ZNF724: variants seen among roughly 807,000 people sequenced by gnomAD.
ZNF724 encodes zinc finger protein 724 pseudogene.
A neutral mutation model predicts 29.3 loss-of-function variants in ZNF724; 14 were observed. The observed-to-expected ratio is 0.48, with a 90% CI of 0.32 to 0.75. The LOEUF (loss-of-function observed/expected upper bound fraction) is 0.75, where lower values mean the gene tolerates loss of function less well. Among genes scored for constraint, ZNF724 ranks in the 30% least tolerant of loss-of-function variants. ZNF724 has a pLI of 0.04. For missense variants in ZNF724, 557 were observed against 571.2 expected (o/e 0.98, Z 0.25); for synonymous variants, 180 against 193.6 (o/e 0.93, Z 0.58).
chr19:23,248,613 A>G (rs1972286855), intron 1 of ZNF724, among the ~76,000 whole-genome samples: 1 of 151,116 alleles, frequency 6.6e-6, no homozygotes, highest in Admixed American at 6.6e-5. Flanking sequence ...ACTACATTAG[A>G]GGAAACAAAA....
At chr19:23,229,150 G>A (rs3895842) in intron 3 of ZNF724, among the ~76,000 whole-genome samples, 71,865 of 151,820 alleles carry the variant, frequency 0.47, 19,068 homozygotes, top group East Asian at 0.68. Context: ...CAAGACTGAG[G>A]AGCATCCTTT....
intron 1 of ZNF724, among the ~76,000 whole-genome samples, chr19:23,243,475 CAAAAAAAAAAA>C (rs61241201): frequency 9.6e-5 from 3 of 31,216 alleles, no homozygotes; most frequent in African/African-American, 1.5e-4. Flanking sequence ...GAGTCCATCT[CAAAAAAAAAAA>C]AAAAAAAAAA....
chr19:23,232,869 CAA>C (rs1971961605), intron 1 of ZNF724, among the ~76,000 whole-genome samples: 1 of 151,962 alleles, frequency 6.6e-6, no homozygotes, highest in Non-Finnish European at 1.5e-5. Flanking sequence ...CTTCATTTTC[CAA>C]AAACAGATAT....
chr19:23,249,247 T>TC (rs1175236258), intron 1 of ZNF724, among the ~76,000 whole-genome samples: 1 of 150,744 alleles, frequency 6.6e-6, no homozygotes, highest in Non-Finnish European at 1.5e-5. Context: ...CTGCCTTTTT[T>TC]TTTTTTTTTT....
At chr19:23,247,337 CTATTT>C (rs1441360029) in intron 1 of ZNF724, among the ~76,000 whole-genome samples, 2 of 151,444 alleles carry the variant, frequency 1.3e-5, no homozygotes, top group Non-Finnish European at 2.9e-5. Flanking sequence ...TGAAACCTGT[CTATTT>C]TATGTTTTTG....
Position 23,232,292 on chromosome 19 carries a change from C to T in ZNF724, c.5G>A (p.Gly2Glu), listed in dbSNP as rs1971950709. ...GGCCACATCCATAAATGTCAATGGT[C>T]CCTGAAAAGTACACACACACATATT... M[G>E]PLTFMDVAIE... The change falls in exon 2 of 4, where the codon GGA (glycine) becomes GAA (glutamate). Residue 2 changes from glycine to glutamate, a missense_variant and splice_region_variant. Physicochemically the swap from Gly to Glu is moderately conservative, Grantham distance 98. Transcript: ENST00000418100. 6 of 1,226,646 alleles carry T rather than the reference C, an allele frequency of 4.9e-6. No homozygotes were observed. The highest frequency in any genetic ancestry group is 7.2e-6 in the Non-Finnish European group (6 of 830,128). 76.0% of individuals were successfully genotyped at this position (1,226,646 alleles called of 1,614,324 possible). A position where few individuals can be genotyped will look rare whatever the true frequency, so the allele number is the denominator to read the frequency against.
In ZNF724 at chr19:23,222,743, G is replaced by T. The variant is rs1971741297; in HGVS notation, c.1502C>A (p.Thr501Asn). ...TTTACATTTGTAGGGTTTCTCTCCA[G>T]TATGAATTTTCTTATGTGTTGTAAG... ...SHLTTHKKIH[T>N]GEKPYKCKEC... Residue 501 changes from threonine to asparagine, a missense_variant, in exon 4 of 4, where the codon ACT becomes AAT. Physicochemically the swap from Thr to Asn is moderately conservative, Grantham distance 65. This residue lies in a region of ZNF724 where 170 missense variants were observed against 220.7 expected (regional missense o/e 0.77). Coordinates refer to ENST00000418100, the MANE Select transcript of ZNF724 (RefSeq NM_001355404.2). 7.1e-7 allele frequency: 1 copy of T among 1,404,126 alleles called. No homozygotes were observed. Among genetic ancestry groups the T allele is most frequent in the Non-Finnish European group, 1.0e-6 (1 of 997,744 alleles). 87.0% of individuals were successfully genotyped at this position (1,404,126 alleles called of 1,614,324 possible).
chr19:23,222,319 C>T lies in ZNF724; in HGVS notation c.*66G>A. On this transcript the variant is annotated 3_prime_UTR_variant, in exon 4 of 4. Coordinates refer to ENST00000418100, the MANE Select transcript of ZNF724 (RefSeq NM_001355404.2). ...GTCTCAATCTCTTGATCTTGTGATC[C>T]ACCCGCCTTGGCCTCCCAAAGTGCT... 1.5e-6 allele frequency: 1 copy of T among 682,698 alleles called. No homozygotes were observed. The highest frequency in any genetic ancestry group is 1.9e-5 in the South Asian group (1 of 53,306). The allele number at this position is 682,698 out of a possible 1,614,324, so 42.3% of individuals were successfully genotyped here. A position where few individuals can be genotyped will look rare whatever the true frequency, so the allele number is the denominator to read the frequency against.
At chr19:23,224,636 T>TC (rs753947109) in intron 3 of ZNF724, among the ~76,000 whole-genome samples, 20 of 152,014 alleles carry the variant, frequency 1.3e-4, no homozygotes, top group African/African-American at 4.6e-4. Flanking sequence ...CTCATCCCTC[T>TC]CCCCAATATA....
At position 23,223,334 on chromosome 19, in the gene ZNF724, T is replaced by A. The variant is rs776049808; in HGVS notation, c.911A>T (p.His304Leu). The part of the protein sequence containing the change: ...SSTLTRHKII[H>L]AGEKPYICEH... ...ACATATGTAGGGCTTCTCTCCAGCA[T>A]GAATTATCTTATGTCTAGTAAGGGT... The change falls in exon 4 of 4, where the codon CAT (histidine) becomes CTT (leucine). Residue 304 changes from histidine to leucine, a missense_variant. By Grantham distance (99) the His-to-Leu change is moderately conservative (BLOSUM62 -3). Around this residue, in one of 3 missense-constraint regions of ZNF724, gnomAD observed 362 missense variants for 295.5 expected, o/e 1.22. Transcript: ENST00000418100. 1.3e-6 allele frequency: 1 copy of A among 768,854 alleles called. No individual in the cohort carries two copies. The highest frequency in any genetic ancestry group is 1.7e-5 in the African/African-American group (1 of 58,696). 47.6% of individuals were successfully genotyped at this position (768,854 alleles called of 1,614,324 possible).
chr19:23,240,211 G>A (rs1478278050), intron 1 of ZNF724, among the ~76,000 whole-genome samples: 1 of 151,652 alleles, frequency 6.6e-6, no homozygotes, highest in African/African-American at 2.4e-5. Flanking sequence ...ACCTACCTGG[G>A]AGGCTGAGGC....
Position 23,222,437 on chromosome 19 carries a change from G to A in ZNF724, c.1808C>T (p.Ser603Leu). ...AATTTTCTTGTGTGTAGTAAGGTTT[G>A]AGCATTGGTTAAAAGCTTTGCCACA... ...KECGKAFNQC[S>L]NLTTHKKIHA... Residue 603 changes from serine to leucine, a missense_variant, in exon 4 of 4, where the codon TCA becomes TTA. Physicochemically the swap from Ser to Leu is moderately radical, Grantham distance 145. Transcript: ENST00000418100. 1 of 1,260,228 alleles carries A rather than the reference G, an allele frequency of 7.9e-7. No homozygotes were observed. Among genetic ancestry groups the A allele is most frequent in the South Asian group, 1.2e-5 (1 of 83,634 alleles). 78.1% of individuals were successfully genotyped at this position (1,260,228 alleles called of 1,614,324 possible).
At chr19:23,232,858 C>A (rs1008139060) in intron 1 of ZNF724, among the ~76,000 whole-genome samples, 3 of 151,940 alleles carry the variant, frequency 2.0e-5, no homozygotes, top group African/African-American at 7.3e-5. Context: ...GAGATGACAG[C>A]CTTCATTTTC....
intron 1 of ZNF724, among the ~76,000 whole-genome samples, chr19:23,235,995 A>G (rs1349029299): frequency 6.6e-6 from 1 of 152,208 alleles, no homozygotes; most frequent in East Asian, 1.9e-4. Flanking sequence ...CATGTAATAC[A>G]TGGTTCATCC....
chr19:23,250,066 C>T (rs1429339176), intron 1 of ZNF724, among the ~76,000 whole-genome samples, 174 bp downstream of exon 1: 1 of 152,200 alleles, frequency 6.6e-6, no homozygotes, highest in Non-Finnish European at 1.5e-5. Flanking sequence ...GGCCGGCTGT[C>T]AGCGAAGCCG....
chr19:23,249,359 G>A (rs1246864073), intron 1 of ZNF724, among the ~76,000 whole-genome samples: 1 of 149,208 alleles, frequency 6.7e-6, no homozygotes, highest in East Asian at 2.0e-4. Flanking sequence ...TCCCGCCTCA[G>A]CCTCCCGAGT....
chr19:23,233,011 C>T (rs1346912935), intron 1 of ZNF724, among the ~76,000 whole-genome samples: 1 of 152,072 alleles, frequency 6.6e-6, no homozygotes, highest in Admixed American at 6.6e-5. Context: ...ATCTGTCAGA[C>T]AGCTCTTTAA....
intron 1 of ZNF724, among the ~76,000 whole-genome samples, chr19:23,246,118 G>C (rs1008540651): frequency 6.6e-6 from 1 of 151,984 alleles, no homozygotes; most frequent in African/African-American, 2.4e-5. Context: ...TACTTTTCCA[G>C]TAAGAGTTAT....
At chr19:23,232,096 A>G (rs1971944092) in intron 2 of ZNF724, 71 bp downstream of exon 2, 1 of 1,172,450 alleles carries the variant, frequency 8.5e-7, no homozygotes, top group East Asian at 2.4e-5. Context: ...CAATTACCAA[A>G]AAACATCCTA....
Sources: gnomAD v4.1 joint callset for allele counts (sites outside exome capture counted in the v4.1 genomes callset) on GRCh38, gnomAD v4.1.1 for gene constraint, gnomAD v4.1.1 regional missense constraint, MANE v1.5 for transcripts, NCBI Gene and HGNC (gene_info 2026-07-23, HGNC 2026-07-21) for gene names.